The following CACNA1E variants were observed in gnomAD, a reference collection of about 807,000 sequenced individuals.
CACNA1E encodes voltage-dependent R-type calcium channel subunit alpha-1E.
A neutral mutation model predicts 259.2 loss-of-function variants in CACNA1E; 40 were observed. That is an observed-to-expected ratio of 0.15 (90% CI 0.12 to 0.20). The LOEUF is 0.20. Ranked by LOEUF, CACNA1E falls within the 10% of genes least tolerant of loss-of-function variation. CACNA1E has a pLI of 1.00. For missense variants in CACNA1E, 1,874 were observed against 3,040.1 expected, an observed-to-expected ratio of 0.62 and a Z score of 9.02; for synonymous variants, 1,104 against 1,138.5, an observed-to-expected ratio of 0.97 and a Z score of 0.61.
At chr1:181,775,677 G>C (rs1483441301) in intron 37 of CACNA1E, among the ~76,000 whole-genome samples, 1 of 152,144 alleles carries the variant, frequency 6.6e-6, no homozygotes, top group Non-Finnish European at 1.5e-5. Flanking sequence ...GAAAACAAAA[G>C]ATGAATGATG....
intron 7 of CACNA1E, among the ~76,000 whole-genome samples, chr1:181,657,602 G>A (rs1218978317): frequency 2.6e-5 from 4 of 152,064 alleles, no homozygotes; most frequent in Non-Finnish European, 1.5e-5. Context: ...TAAAAATATT[G>A]CACACACACA....
chr1:181,779,676 A>G lies in CACNA1E; in HGVS notation c.5268-1751A>G, dbSNP rs138036750. 8.6e-4 allele frequency: 234 copies of G among 271,712 alleles called. 1 individual carries two copies. The highest frequency in any genetic ancestry group is 1.4e-3 in the Middle Eastern group (1 of 718). 16.8% of individuals were successfully genotyped at this position (271,712 alleles called of 1,614,324 possible). A position where few individuals can be genotyped will look rare whatever the true frequency, so the allele number is the denominator to read the frequency against. The stretch of plus-strand genomic sequence containing the variant: ...TTTCCTTTGAGTTTAAAGAGGTCCA[A>G]ACCCTTCCAGAACCAGCAGCTGTTA... On this transcript the variant is annotated intron_variant, in intron 38 of 47. Coordinates refer to ENST00000367573, the MANE Select transcript of CACNA1E (RefSeq NM_001205293.3).
chr1:181,608,533 T>G (rs767700876), intron 6 of CACNA1E, among the ~76,000 whole-genome samples: 4 of 151,908 alleles, frequency 2.6e-5, no homozygotes, highest in African/African-American at 9.7e-5. Flanking sequence ...GGTATGTGAG[T>G]AGAGGGAGGC....
intron 25 of CACNA1E, among the ~76,000 whole-genome samples, chr1:181,742,332 C>T (rs1170374304): frequency 6.6e-6 from 1 of 152,184 alleles, no homozygotes; most frequent in Non-Finnish European, 1.5e-5. Context: ...GGGGCTCAGG[C>T]CAGCAGAAAG....
intron 3 of CACNA1E, among the ~76,000 whole-genome samples, chr1:181,562,783 T>C (rs1410412477): frequency 6.6e-6 from 1 of 152,176 alleles, no homozygotes; most frequent in African/African-American, 2.4e-5. Context: ...AAAATGGCCA[T>C]GCCACTTAGT....
At chr1:181,549,966 G>A (rs1647946805) in intron 3 of CACNA1E, among the ~76,000 whole-genome samples, 1 of 152,174 alleles carries the variant, frequency 6.6e-6, no homozygotes, top group Non-Finnish European at 1.5e-5. Flanking sequence ...TGAGGGGGTG[G>A]TAGAATCCTG....
chr1:181,671,224 CT>C (rs1648762857), intron 7 of CACNA1E, among the ~76,000 whole-genome samples: 1 of 152,134 alleles, frequency 6.6e-6, no homozygotes, highest in Non-Finnish European at 1.5e-5. Flanking sequence ...TGGGATCTCA[CT>C]TTGTTGCCCA....
intron 2 of CACNA1E, among the ~76,000 whole-genome samples, chr1:181,465,714 T>C (rs904098894): frequency 6.6e-6 from 1 of 152,222 alleles, no homozygotes; most frequent in Non-Finnish European, 1.5e-5. Flanking sequence ...TTCATTGCAT[T>C]CTATTATTTT....
chr1:181,398,310 C>T (rs909174390), intron 1 of CACNA1E, among the ~76,000 whole-genome samples: 3 of 152,218 alleles, frequency 2.0e-5, no homozygotes, highest in African/African-American at 7.2e-5. Flanking sequence ...AAAAACAAAA[C>T]TTTGCACCTA....
intron 1 of CACNA1E, among the ~76,000 whole-genome samples, chr1:181,390,456 G>A (rs907952436): frequency 3.3e-5 from 5 of 152,072 alleles, no homozygotes; most frequent in East Asian, 1.9e-4. Flanking sequence ...GAGCTTCTGC[G>A]TGTCCTTCCT....
At chr1:181,784,634 A>G (rs1340483638) in intron 40 of CACNA1E, 27 bp from the exon 41 acceptor site, 7 of 1,459,650 alleles carry the variant, frequency 4.8e-6, no homozygotes, top group Non-Finnish European at 6.6e-6. Flanking sequence ...GGTCTATTCT[A>G]TTTATTAGTA....
At chr1:181,712,997 C>CAAAGTGTCTTTTT (rs1653531764) in intron 8 of CACNA1E, among the ~76,000 whole-genome samples, 1 of 152,228 alleles carries the variant, frequency 6.6e-6, no homozygotes, top group African/African-American at 2.4e-5. Flanking sequence ...AAAAGACGCA[C>CAAAGTGTCTTTTT]TGCGACGTCA....
chr1:181,793,588 G>T lies in CACNA1E; in HGVS notation c.5899-77G>T. ...TCTTTTGAAAGCCATTCTTGAGGAG[G>T]CTGAATTGTCCACTGGACGTGAGAA... On this transcript the variant is annotated intron_variant, in intron 44 of 47. Transcript: ENST00000367573. 3 of 1,499,310 alleles carry T rather than the reference G, an allele frequency of 2.0e-6. No individual in the cohort carries two copies. In the East Asian group the frequency reaches 7.0e-5, roughly 35 times the overall value. 92.9% of individuals were successfully genotyped at this position (1,499,310 alleles called of 1,614,324 possible).
At chr1:181,634,563 T>C (rs1048612284) in intron 6 of CACNA1E, among the ~76,000 whole-genome samples, 3 of 152,228 alleles carry the variant, frequency 2.0e-5, no homozygotes, top group Non-Finnish European at 4.4e-5. Context: ...TTTTACTAAG[T>C]TATTTCCATC....
chr1:181,793,042 C>G (rs181250152), intron 44 of CACNA1E, among the ~76,000 whole-genome samples: 70 of 152,272 alleles, frequency 4.6e-4, no homozygotes, highest in Middle Eastern at 3.4e-3. Context: ...TAAATTTCAC[C>G]TTTTACAACA....
intron 2 of CACNA1E, among the ~76,000 whole-genome samples, chr1:181,476,493 G>A (rs867257182): frequency 1.6e-4 from 24 of 152,188 alleles, no homozygotes; most frequent in African/African-American, 5.8e-4. Flanking sequence ...GCAGCTGTGA[G>A]CTGCATTTTC....
At chr1:181,560,322 C>T (rs1039390606) in intron 3 of CACNA1E, among the ~76,000 whole-genome samples, 5 of 151,436 alleles carry the variant, frequency 3.3e-5, no homozygotes, top group Admixed American at 6.6e-5. Context: ...AAAGATAATA[C>T]AGATAACTTG....
chr1:181,633,685 T>C lies in CACNA1E; in HGVS notation c.952-17653T>C, dbSNP rs1572436603. On this transcript the variant is annotated intron_variant, in intron 6 of 47. Transcript: ENST00000367573. ...TTTTGTATTTTTGGTAGAGACAGGG[T>C]TTCACCAAGTTGGCCATACTGGTTT... is the stretch of plus-strand genomic sequence containing the variant. 2.6e-5 allele frequency among the ~76,000 whole-genome samples: 4 copies of C among 151,892 alleles called. No individual in the cohort carries two copies. The South Asian group carries it at 8.3e-4, about 32-fold the overall frequency.
intron 1 of CACNA1E, among the ~76,000 whole-genome samples, chr1:181,343,473 G>A (rs929626951): frequency 1.3e-5 from 2 of 152,106 alleles, no homozygotes; most frequent in Admixed American, 6.5e-5. Flanking sequence ...TGCCGTATGA[G>A]GCACTGGCTT....
Sources: allele counts gnomAD v4.1 joint callset (sites outside exome capture counted in the v4.1 genomes callset), GRCh38; gene constraint gnomAD v4.1.1; transcripts MANE v1.5; gene names NCBI Gene and HGNC (gene_info 2026-07-23, HGNC 2026-07-21).